ARHGEF1: variants seen among roughly 807,000 people sequenced by gnomAD.
ARHGEF1 encodes the protein 115 kDa guanine nucleotide exchange factor.
Under a neutral mutation model 119.7 loss-of-function variants are expected in ARHGEF1, and 40 were observed. That is an observed-to-expected ratio of 0.33 (90% CI 0.26 to 0.44). The LOEUF is 0.44. Among genes scored for constraint, ARHGEF1 ranks in the 20% least tolerant of loss-of-function variants. ARHGEF1 has a pLI of 1.00. For synonymous variants in ARHGEF1, 494 were observed against 521.0 expected (o/e 0.95, Z 0.71); for missense variants, 976 against 1,268.3 (o/e 0.77, Z 3.50).
chr19:41,915,954 G>A (rs912268077), intron 18 of ARHGEF1, among the ~76,000 whole-genome samples: 21 of 150,062 alleles, frequency 1.4e-4, no homozygotes, highest in Non-Finnish European at 2.7e-4. Flanking sequence ...CCCGCCGGCC[G>A]GCGTGGTGCG....
At chr19:41,918,397 T>C (rs1401779447), upstream of ARHGEF1, among the ~76,000 whole-genome samples, 1 of 126,190 alleles carries the variant, frequency 7.9e-6, no homozygotes. Flanking sequence ...CACATACACA[T>C]ACCATATCAC....
rs782611436 is a variant in ARHGEF1 at position 41,892,381 on chromosome 19, G to A, written c.367+8G>A. The A allele has an allele frequency of 1.2e-5, 20 of 1,614,012 alleles. No homozygotes were observed. In the South Asian group the frequency reaches 2.0e-4, roughly 16 times the overall value. On this transcript the variant is annotated splice_region_variant and intron_variant, in intron 6 of 28. Coordinates refer to ENST00000354532, the MANE Select transcript of ARHGEF1 (RefSeq NM_004706.4). The surrounding 1 kb of genome is among the most constrained non-coding windows in gnomAD (Gnocchi z 6.3). ...ACGTCGCCTTTGAACTTGGTAAGGA[G>A]AAGGATGGGATGAGGGAGAGGTGTC... is the stretch of plus-strand genomic sequence containing the variant.
downstream of ARHGEF1, chr19:41,908,146 CTGGGCCT>C (rs1487606333): frequency 1.8e-6 from 2 of 1,124,296 alleles, no homozygotes; most frequent in Non-Finnish European, 2.2e-6. The surrounding 1 kb of genome is among the most constrained non-coding windows in gnomAD (Gnocchi z 6.7). Flanking sequence ...AGGGCTGGTC[CTGGGCCT>C]TGGGCCAGGC....
Position 41,906,359 on chromosome 19 carries a change from C to A in ARHGEF1, c.2492-98C>A. 1 of 1,270,628 alleles carries A rather than the reference C, an allele frequency of 7.9e-7. No individual in the cohort carries two copies. The highest frequency in any genetic ancestry group is 1.1e-6 in the Non-Finnish European group (1 of 928,332). The allele number at this position is 1,270,628 out of a possible 1,614,324, so 78.7% of individuals were successfully genotyped here. On this transcript the variant is annotated intron_variant, in intron 26 of 28. Transcript: ENST00000354532. This position sits in a 1 kb window ranked among gnomAD's most constrained non-coding sequence, Gnocchi z 4.5. ...CTCAGCCTTGCCTGGCACCCACCTT[C>A]ACCTCCAGCCCCTACACATCCCCTT... is the stretch of plus-strand genomic sequence containing the variant.
At position 41,892,871 on chromosome 19, in the gene ARHGEF1, G is replaced by T. The variant is rs1229605869; in HGVS notation, c.614+22G>T. 1.1e-5 allele frequency: 17 copies of T among 1,479,022 alleles called. No homozygotes were observed. Among genetic ancestry groups the T allele is most frequent in the Non-Finnish European group, 1.4e-5 (16 of 1,114,688 alleles). 91.6% of individuals were successfully genotyped at this position (1,479,022 alleles called of 1,614,324 possible). On this transcript the variant is annotated intron_variant, in intron 7 of 28. Coordinates refer to ENST00000354532, the MANE Select transcript of ARHGEF1 (RefSeq NM_004706.4). The surrounding 1 kb of genome is among the most constrained non-coding windows in gnomAD (Gnocchi z 6.3). ...TGCAGTGAGTAGGCCAGCCCTGGTG[G>T]GAGCGTCGCCCCTCCCCAGCACAAG...
rs1031849615 is a variant in ARHGEF1, at chr19:41,901,431, T to C, written c.1268-456T>C. Among the ~76,000 whole-genome samples the C allele has an allele frequency of 6.6e-5, 10 of 152,248 alleles. No individual in the cohort carries two copies. In the East Asian group the frequency reaches 7.7e-4, roughly 12 times the overall value. On this transcript the variant is annotated intron_variant, in intron 14 of 28. Transcript: ENST00000354532. ...TCCCAAAATGCTGGGATTATAGGCA[T>C]GAGCCACTGTGCCCAGCCATTTTGT...
intron 14 of ARHGEF1, chr19:41,900,786 G>GTTTTTTTTTTTTT (rs67734292): frequency 9.3e-6 from 1 of 107,686 alleles, no homozygotes. Flanking sequence ...ATCCTCACTG[G>GTTTTTTTTTTTTT]TTTTTTTTTT....
At chr19:41,907,676 C>T, downstream of ARHGEF1, 1 of 404,970 alleles carries the variant, frequency 2.5e-6, no homozygotes, top group South Asian at 3.7e-5. Context: ...ACCCCCGATC[C>T]CCCATGCTCA....
Position 41,904,794 on chromosome 19 carries a change from C to T in ARHGEF1, c.2162-155C>T, listed in dbSNP as rs1555849774. 4.6e-5 allele frequency among the ~76,000 whole-genome samples: 7 copies of T among 152,072 alleles called. No homozygotes were observed. Among genetic ancestry groups the T allele is most frequent in the Non-Finnish European group, 1.0e-4 (7 of 68,010 alleles). ...AGAGGTGGGGCTCAGGAGGACACATCGGGCCCTGGATATTAGCAGACAGTG... is the reference window on the plus strand; with the variant it reads ...AGAGGTGGGGCTCAGGAGGACACATTGGGCCCTGGATATTAGCAGACAGTG... On this transcript the variant is annotated intron_variant, in intron 22 of 28. Coordinates refer to ENST00000354532, the MANE Select transcript of ARHGEF1 (RefSeq NM_004706.4). This position sits in a 1 kb window ranked among gnomAD's most constrained non-coding sequence, Gnocchi z 8.4.
chr19:41,920,283 ACGCTCACAGACATG>A (rs1372186985), upstream of ARHGEF1, among the ~76,000 whole-genome samples: 7 of 128,722 alleles, frequency 5.4e-5, no homozygotes, highest in Non-Finnish European at 9.8e-5. Context: ...AGACATGATA[ACGCTCACAGACATG>A]CGCTCACAGA....
chr19:41,891,921 A>C lies in ARHGEF1; in HGVS notation c.226-104A>C, dbSNP rs1385838802. The C allele has an allele frequency of 3.1e-6, 3 of 972,162 alleles. No individual in the cohort carries two copies. In the African/African-American group the frequency reaches 5.0e-5, roughly 16 times the overall value. The allele number at this position is 972,162 out of a possible 1,614,324, so 60.2% of individuals were successfully genotyped here. A position where few individuals can be genotyped will look rare whatever the true frequency, so the allele number is the denominator to read the frequency against. ...CCAGAGGAAGTGGCAGTTGAGTCCC[A>C]CAGCCATAGGATGGCCAGGAGGTGA... is the stretch of plus-strand genomic sequence containing the variant. On this transcript the variant is annotated intron_variant, in intron 4 of 28. Coordinates refer to ENST00000354532, the MANE Select transcript of ARHGEF1 (RefSeq NM_004706.4).
downstream of ARHGEF1, chr19:41,908,771 C>T (rs1299074537): frequency 6.6e-6 from 4 of 602,702 alleles, no homozygotes; most frequent in East Asian, 6.9e-5. The surrounding 1 kb of genome is among the most constrained non-coding windows in gnomAD (Gnocchi z 6.7). Context: ...CCCATCTCCC[C>T]GCATCCCTCC....
chr19:41,910,932 A>C (rs1466461599), downstream of ARHGEF1, among the ~76,000 whole-genome samples: 1 of 152,092 alleles, frequency 6.6e-6, no homozygotes, highest in Non-Finnish European at 1.5e-5. The surrounding 1 kb of genome is among the most constrained non-coding windows in gnomAD (Gnocchi z 4.4). Flanking sequence ...CCATCACAAC[A>C]CAGAATTACA....
Position 41,905,419 on chromosome 19 carries a change from G to C in ARHGEF1, c.2336+158G>C, listed in dbSNP as rs782416667. 56 of 674,476 alleles carry C rather than the reference G, an allele frequency of 8.3e-5. No homozygotes were observed. The highest frequency in any genetic ancestry group is 1.2e-4 in the Non-Finnish European group (50 of 400,906). The allele number at this position is 674,476 out of a possible 1,614,324, so 41.8% of individuals were successfully genotyped here. ...TGTGTCTGTACGCAAGTATGTGACT[G>C]TGCGTGCATATATAGTGTGTGTATG... On this transcript the variant is annotated intron_variant, in intron 24 of 28. Transcript: ENST00000354532. The surrounding 1 kb of genome is among the most constrained non-coding windows in gnomAD (Gnocchi z 6.4).
Position 41,904,335 on chromosome 19 carries a change from C to T in ARHGEF1, c.2113C>T (p.Arg705Trp), listed in dbSNP as rs1555849680. Residue 705 changes from arginine (R) to tryptophan (W), a missense_variant, in exon 22 of 29, where the codon CGG (arginine) becomes TGG (tryptophan). Physicochemically the swap from Arg to Trp is moderately radical, Grantham distance 101. This residue lies in a region of ARHGEF1 where 286 missense variants were observed against 506.8 expected (regional missense o/e 0.56). Transcript: ENST00000354532. This position sits in a 1 kb window ranked among gnomAD's most constrained non-coding sequence, Gnocchi z 8.4. ...TPTPDGKTML[R>W]PVLRLTSAMT... ...CACGCCCGATGGCAAGACCATGCTG[C>T]GGCCCGTGCTGCGGCTCACCTCCGC... is the stretch of plus-strand genomic sequence containing the variant. The T allele has an allele frequency of 2.5e-6, 4 of 1,603,030 alleles. No individual in the cohort carries two copies. The highest frequency in any genetic ancestry group is 3.4e-6 in the Non-Finnish European group (4 of 1,176,692).
At chr19:41,885,171 CAGCTTCACCT>C (rs2074274907) in intron 1 of ARHGEF1, among the ~76,000 whole-genome samples, 1 of 152,098 alleles carries the variant, frequency 6.6e-6, no homozygotes. Flanking sequence ...TATTCTCTGA[CAGCTTCACCT>C]ATAATTCTCC....
chr19:41,925,574 C>A (rs1413264862), intron 1 of ARHGEF1, among the ~76,000 whole-genome samples: 1 of 151,990 alleles, frequency 6.6e-6, no homozygotes, highest in Non-Finnish European at 1.5e-5. Flanking sequence ...TGGAGGAAGG[C>A]ATAATGGCAG....
At chr19:41,918,901 TACACACATACACCAC>T (rs2074820548), upstream of ARHGEF1, among the ~76,000 whole-genome samples, 1 of 136,648 alleles carries the variant, frequency 7.3e-6, no homozygotes, top group Non-Finnish European at 1.6e-5. Flanking sequence ...CACTACCCAT[TACACACATACACCAC>T]ACACACATGC....
chr19:41,896,583 C>T (rs892549325), intron 13 of ARHGEF1, 101 bp downstream of exon 13: 8 of 934,066 alleles, frequency 8.6e-6, no homozygotes, highest in Non-Finnish European at 1.4e-5. Context: ...GTCCCAGGCT[C>T]TTGCTCCCCA....
Sources: gnomAD v4.1 joint callset for allele counts (sites outside exome capture counted in the v4.1 genomes callset) on GRCh38, gnomAD v4.1.1 for gene constraint, gnomAD v4.1.1 regional missense constraint, Gnocchi (gnomAD v3.1) non-coding constraint, MANE v1.5 for transcripts, NCBI Gene and HGNC (gene_info 2026-07-23, HGNC 2026-07-21) for gene names.